TRPM3: variants seen among roughly 807,000 people sequenced by gnomAD.
The protein encoded by TRPM3 is transient receptor potential cation channel subfamily M member 3, also known as long transient receptor potential channel 3.
A neutral mutation model predicts 181.2 loss-of-function variants in TRPM3; 77 were observed. The ratio of observed to expected loss-of-function variants is 0.42; its 90% CI spans 0.35 to 0.51. The LOEUF is 0.51. TRPM3 is among the 20% of genes least tolerant of loss of function. TRPM3 has a pLI of 0.01. For synonymous variants in TRPM3, 745 were observed against 796.4 expected (o/e 0.94, Z 1.09); for missense variants, 1,759 against 2,196.7 (o/e 0.80, Z 3.98).
intron 8 of TRPM3, among the ~76,000 whole-genome samples, chr9:70,748,690 G>A (rs889159259): frequency 6.6e-6 from 1 of 152,076 alleles, no homozygotes; most frequent in Non-Finnish European, 1.5e-5. Context: ...TTACGAGAAA[G>A]TGGGCCCTAA....
chr9:70,602,406 ATGG>A (rs2060210173), intron 20 of TRPM3, among the ~76,000 whole-genome samples: 1 of 151,952 alleles, frequency 6.6e-6, no homozygotes, highest in Non-Finnish European at 1.5e-5. Context: ...CTTTTTTCCT[ATGG>A]TGCCCAGTAT....
intron 1 of TRPM3, among the ~76,000 whole-genome samples, chr9:71,210,309 G>A (rs949102971): frequency 1.3e-5 from 2 of 152,082 alleles, no homozygotes; most frequent in African/African-American, 4.8e-5. Context: ...AACAAGCTCA[G>A]GGCTCTCACT....
intron 8 of TRPM3, among the ~76,000 whole-genome samples, chr9:70,684,620 G>C (rs541578559): frequency 2.6e-5 from 4 of 151,986 alleles, no homozygotes; most frequent in African/African-American, 7.2e-5. Flanking sequence ...GAAAAACTAA[G>C]GCCTTCCTTT....
chr9:71,433,902 T>C (rs1318591084), intron 1 of TRPM3, among the ~76,000 whole-genome samples: 2 of 152,154 alleles, frequency 1.3e-5, no homozygotes, highest in African/African-American at 4.8e-5. Flanking sequence ...ACATCTGTAA[T>C]CCCAGCACTT....
chr9:70,601,036 G>T (rs902390780), intron 20 of TRPM3, among the ~76,000 whole-genome samples: 3 of 152,162 alleles, frequency 2.0e-5, no homozygotes, highest in Non-Finnish European at 4.4e-5. Flanking sequence ...CTGGGAGCCT[G>T]AGGAGCATCG....
intron 1 of TRPM3, among the ~76,000 whole-genome samples, chr9:71,010,090 G>A (rs949183510): frequency 1.3e-5 from 2 of 152,062 alleles, no homozygotes; most frequent in East Asian, 1.9e-4. Context: ...TCTACATGTA[G>A]AGAAGGCTTA....
intron 1 of TRPM3, among the ~76,000 whole-genome samples, chr9:71,079,738 T>C (rs548236990): frequency 6.6e-6 from 1 of 152,202 alleles, no homozygotes; most frequent in Non-Finnish European, 1.5e-5. Context: ...GTCCAGGGGA[T>C]GTGCTCACCA....
At chr9:70,939,098 G>A (rs1404849350) in intron 1 of TRPM3, among the ~76,000 whole-genome samples, 2 of 152,142 alleles carry the variant, frequency 1.3e-5, no homozygotes, top group African/African-American at 2.4e-5. Context: ...CTCCTCCTCT[G>A]TGAAAGGTGG....
At chr9:71,404,418 A>G (rs1487768633) in intron 1 of TRPM3, among the ~76,000 whole-genome samples, 2 of 152,232 alleles carry the variant, frequency 1.3e-5, no homozygotes, top group African/African-American at 4.8e-5. Flanking sequence ...TTGAAATTAT[A>G]CCAGATGCCT....
At position 71,263,519 on chromosome 9, in the gene TRPM3, C is replaced by A. The variant is rs73647989; in HGVS notation, c.183+183134G>T. On this transcript the variant is annotated intron_variant, in intron 1 of 24. Transcript: ENST00000357533. ...TCTCAGGGCACTTATTACAGATCTCCATGGAGGTGTCAGTTAACACTGTAT... is the reference window on the plus strand; with the variant it reads ...TCTCAGGGCACTTATTACAGATCTCAATGGAGGTGTCAGTTAACACTGTAT... Among the ~76,000 whole-genome samples, 659 of 152,260 alleles carry A rather than the reference C, an allele frequency of 4.3e-3. 3 individuals are homozygous for A. The highest frequency in any genetic ancestry group is 0.015 in the African/African-American group (636 of 41,556).
intron 1 of TRPM3, among the ~76,000 whole-genome samples, chr9:71,395,059 T>G (rs2093158074): frequency 6.6e-6 from 1 of 152,186 alleles, no homozygotes; most frequent in Admixed American, 6.5e-5. Flanking sequence ...CATCCCACAA[T>G]GACCAGGCAA....
At chr9:71,247,112 C>T (rs2082075171) in intron 1 of TRPM3, among the ~76,000 whole-genome samples, 1 of 152,110 alleles carries the variant, frequency 6.6e-6, no homozygotes, top group African/African-American at 2.4e-5. Flanking sequence ...ATTTGCCTGC[C>T]TCAGCCTCCC....
At chr9:71,382,343 G>A (rs575891606) in intron 1 of TRPM3, among the ~76,000 whole-genome samples, 4 of 152,158 alleles carry the variant, frequency 2.6e-5, no homozygotes, top group East Asian at 3.9e-4. Flanking sequence ...TTTTCCATGC[G>A]TCATTTCATG....
At chr9:71,056,707 G>A (rs1256370414) in intron 1 of TRPM3, among the ~76,000 whole-genome samples, 3 of 152,028 alleles carry the variant, frequency 2.0e-5, no homozygotes, top group Non-Finnish European at 2.9e-5. Flanking sequence ...AAGACATAGA[G>A]AGAAGATGGT....
chr9:70,801,625 A>G (rs748669713), intron 6 of TRPM3, among the ~76,000 whole-genome samples: 2 of 152,120 alleles, frequency 1.3e-5, no homozygotes, highest in African/African-American at 2.4e-5. Context: ...ATCAGGAGAC[A>G]GTCATGGCCT....
chr9:70,977,219 C>T (rs2097312754), intron 1 of TRPM3, among the ~76,000 whole-genome samples: 2 of 152,210 alleles, frequency 1.3e-5, no homozygotes, highest in Non-Finnish European at 2.9e-5. Context: ...ACTGCCACCT[C>T]CGCCTCGCGG....
intron 1 of TRPM3, among the ~76,000 whole-genome samples, chr9:70,993,058 G>T (rs1333523449): frequency 6.6e-6 from 1 of 152,156 alleles, no homozygotes; most frequent in African/African-American, 2.4e-5. Flanking sequence ...TACCTGGTGT[G>T]CAGTAAGTAA....
chr9:71,173,151 T>C (rs1248194332), intron 1 of TRPM3, among the ~76,000 whole-genome samples: 1 of 152,218 alleles, frequency 6.6e-6, no homozygotes, highest in Non-Finnish European at 1.5e-5. Flanking sequence ...ATGTGCCTTG[T>C]CACATAACTG....
At chr9:71,138,760 T>C (rs1009363803) in intron 1 of TRPM3, among the ~76,000 whole-genome samples, 3 of 152,192 alleles carry the variant, frequency 2.0e-5, no homozygotes, top group African/African-American at 7.2e-5. Flanking sequence ...TCAGGCTTCC[T>C]TGGGGAGAAC....
Sources: gnomAD v4.1 joint callset for allele counts (sites outside exome capture counted in the v4.1 genomes callset) on GRCh38, gnomAD v4.1.1 for gene constraint, MANE v1.5 for transcripts, NCBI Gene and HGNC (gene_info 2026-07-23, HGNC 2026-07-21) for gene names.